Variants in CCSER1 observed in about 807,000 individuals in gnomAD.
CCSER1 encodes serine-rich coiled-coil domain-containing protein 1.
A neutral mutation model predicts 82.0 loss-of-function variants in CCSER1; 41 were observed. The ratio of observed to expected loss-of-function variants is 0.50; its 90% CI spans 0.39 to 0.65. The LOEUF (loss-of-function observed/expected upper bound fraction) is 0.65. Ranked by LOEUF, CCSER1 falls within the 30% of genes least tolerant of loss-of-function variation. The pLI, the probability that CCSER1 is intolerant of heterozygous loss-of-function variation, is 0.00. For synonymous variants in CCSER1, 414 were observed against 383.9 expected (o/e 1.08, Z -0.92); for missense variants, 1,119 against 1,064.2 (o/e 1.05, Z -0.72).
chr4:90,985,356 T>A (rs1377532925), intron 9 of CCSER1, among the ~76,000 whole-genome samples: 1 of 150,936 alleles, frequency 6.6e-6, no homozygotes, highest in Non-Finnish European at 1.5e-5. Context: ...GCCATCAGAT[T>A]TTTTTTTTCT....
At chr4:90,481,357 T>G (rs573399612) in intron 5 of CCSER1, among the ~76,000 whole-genome samples, 1 of 152,332 alleles carries the variant, frequency 6.6e-6, no homozygotes, top group African/African-American at 2.4e-5. Flanking sequence ...TTGAATACCC[T>G]CTATTTCCTT....
intron 8 of CCSER1, among the ~76,000 whole-genome samples, chr4:90,868,213 T>G (rs1765984577): frequency 6.6e-6 from 1 of 151,396 alleles, no homozygotes; most frequent in African/African-American, 2.4e-5. Flanking sequence ...GTTATACTCT[T>G]TAAGTTATTT....
chr4:90,761,593 A>G (rs567030101), intron 7 of CCSER1, among the ~76,000 whole-genome samples: 1 of 152,302 alleles, frequency 6.6e-6, no homozygotes, highest in African/African-American at 2.4e-5. Context: ...TTAATTTCAA[A>G]TGGTAACACA....
intron 9 of CCSER1, among the ~76,000 whole-genome samples, chr4:90,982,957 T>C (rs898206286): frequency 1.3e-5 from 2 of 151,812 alleles, no homozygotes; most frequent in Non-Finnish European, 1.5e-5. Context: ...TTGATAGTTA[T>C]AGTAGTACAT....
intron 9 of CCSER1, among the ~76,000 whole-genome samples, chr4:91,075,052 T>C (rs1359560245): frequency 2.6e-5 from 4 of 152,152 alleles, no homozygotes; most frequent in African/African-American, 7.2e-5. Flanking sequence ...CTAATCATTA[T>C]GAAGGGGTAG....
chr4:90,169,451 A>G (rs561732397), intron 1 of CCSER1, among the ~76,000 whole-genome samples: 73 of 152,178 alleles, frequency 4.8e-4, no homozygotes, highest in Non-Finnish European at 5.6e-4. Context: ...CTCTTTTCCT[A>G]ACTGAATACC....
At chr4:90,892,202 G>C (rs771310793) in intron 8 of CCSER1, among the ~76,000 whole-genome samples, 3 of 151,912 alleles carry the variant, frequency 2.0e-5, no homozygotes, top group Non-Finnish European at 4.4e-5. Context: ...GAGTTTTTTT[G>C]ATAATTAAGA....
chr4:90,716,463 G>T (rs1248005864), intron 6 of CCSER1, among the ~76,000 whole-genome samples: 1 of 151,940 alleles, frequency 6.6e-6, no homozygotes. Flanking sequence ...AGAATAAAGT[G>T]GTATCATGGC....
At chr4:90,313,138 G>T (rs1202142503) in intron 3 of CCSER1, 91 bp downstream of exon 3, 3 of 1,037,594 alleles carry the variant, frequency 2.9e-6, no homozygotes, top group Non-Finnish European at 4.3e-6. Context: ...CAGACTACAG[G>T]ATAGACACCT....
intron 10 of CCSER1, among the ~76,000 whole-genome samples, chr4:91,113,984 T>C (rs1561559316): frequency 6.6e-6 from 1 of 151,996 alleles, no homozygotes; most frequent in African/African-American, 2.4e-5. Context: ...TCCCGAGTAG[T>C]TGGGACCACA....
intron 10 of CCSER1, among the ~76,000 whole-genome samples, chr4:91,117,959 G>C (rs532380952): frequency 1.2e-3 from 188 of 152,022 alleles, no homozygotes; most frequent in Non-Finnish European, 2.4e-3. Context: ...TGCCATCTTT[G>C]ATATTTTAAA....
intron 10 of CCSER1, among the ~76,000 whole-genome samples, chr4:91,439,105 C>A (rs1232947053): frequency 6.6e-6 from 1 of 152,174 alleles, no homozygotes; most frequent in Non-Finnish European, 1.5e-5. Flanking sequence ...GGCACGCCAA[C>A]ATTCAAATTC....
At chr4:91,558,913 G>A (rs1482131935) in intron 10 of CCSER1, among the ~76,000 whole-genome samples, 1 of 151,470 alleles carries the variant, frequency 6.6e-6, no homozygotes, top group Non-Finnish European at 1.5e-5. Flanking sequence ...ATTTCAAATA[G>A]CAATTTCTAA....
intron 4 of CCSER1, among the ~76,000 whole-genome samples, chr4:90,413,426 C>G (rs1417346201): frequency 6.6e-6 from 1 of 152,090 alleles, no homozygotes; most frequent in Non-Finnish European, 1.5e-5. Context: ...TACCATTATT[C>G]TTTGCAGAAC....
At chr4:90,273,380 A>C (rs1488954538) in intron 1 of CCSER1, among the ~76,000 whole-genome samples, 2 of 152,156 alleles carry the variant, frequency 1.3e-5, no homozygotes, top group Admixed American at 1.3e-4. Context: ...TGTTTGTAAC[A>C]CAAAGGATCA....
intron 1 of CCSER1, among the ~76,000 whole-genome samples, chr4:90,272,971 C>A (rs1726836372): frequency 6.6e-6 from 1 of 151,962 alleles, no homozygotes; most frequent in Non-Finnish European, 1.5e-5. Context: ...CCAATGCACT[C>A]CAGCCTGGGT....
chr4:90,224,280 T>A (rs983292742), intron 1 of CCSER1, among the ~76,000 whole-genome samples: 1 of 152,212 alleles, frequency 6.6e-6, no homozygotes, highest in Non-Finnish European at 1.5e-5. Context: ...TTTATTCACT[T>A]TTTCCCAATG....
chr4:90,968,898 C>T (rs1212647042), intron 9 of CCSER1, among the ~76,000 whole-genome samples: 2 of 150,914 alleles, frequency 1.3e-5, no homozygotes, highest in Non-Finnish European at 3.0e-5. Context: ...GCTCAAGATG[C>T]TACAGAAACA....
rs1206432186 is a variant in CCSER1 at position 91,603,360 on chromosome 4, A to G, written c.*4303A>G. ...ATACATTTGATCTCGTTAAGACCCCAGTTCTATTTCCAAGGCATGCAGCCC... is the reference window on the plus strand; with the variant it reads ...ATACATTTGATCTCGTTAAGACCCCGGTTCTATTTCCAAGGCATGCAGCCC... On this transcript the variant is annotated 3_prime_UTR_variant, in exon 11 of 11. Coordinates refer to ENST00000509176, the MANE Select transcript of CCSER1 (RefSeq NM_001145065.2). 2 of 152,124 alleles carry G rather than the reference A, an allele frequency of 1.3e-5. No homozygotes were observed. Among genetic ancestry groups the G allele is most frequent in the Non-Finnish European group, 2.9e-5 (2 of 67,980 alleles). 9.4% of individuals were successfully genotyped at this position (152,124 alleles called of 1,614,324 possible). A position where few individuals can be genotyped will look rare whatever the true frequency, so the allele number is the denominator to read the frequency against.
Sources: allele counts gnomAD v4.1 joint callset (sites outside exome capture counted in the v4.1 genomes callset), GRCh38; gene constraint gnomAD v4.1.1; transcripts MANE v1.5; gene names NCBI Gene and HGNC (gene_info 2026-07-23, HGNC 2026-07-21).